The following TXNL1 variants were observed in gnomAD, a reference collection of about 807,000 sequenced individuals.
The protein encoded by TXNL1 is thioredoxin-like protein 1.
Under a neutral mutation model 35.5 loss-of-function variants are expected in TXNL1, and 14 were observed. That is an observed-to-expected ratio of 0.39 (90% CI 0.26 to 0.62). TXNL1 has a LOEUF of 0.62. TXNL1 is among the 20% of genes least tolerant of loss of function. TXNL1 has a pLI of 0.47. For missense variants in TXNL1, 263 were observed against 349.7 expected (o/e 0.75, Z 1.98); for synonymous variants, 110 against 115.5 (o/e 0.95, Z 0.31).
At position 56,598,504 on chromosome 18, in the gene TXNL1, C is replaced by G. The variant is rs560988878; in HGVS notation, c.*4523G>C. 1.3e-5 allele frequency: 2 copies of G among 152,270 alleles called. No individual in the cohort carries two copies. The highest frequency in any genetic ancestry group is 3.9e-4 in the East Asian group (2 of 5,192). The allele number at this position is 152,270 out of a possible 1,614,324, so 9.4% of individuals were successfully genotyped here. ...TGCGATATTAGGGTACGTTCTGCTA[C>G]CTGGTAATACAGCACAGCACACTGG... On this transcript the variant is annotated 3_prime_UTR_variant, in exon 8 of 8. Transcript: ENST00000217515.
intron 1 of TXNL1, among the ~76,000 whole-genome samples, chr18:56,635,300 C>T (rs1268130792): frequency 6.6e-6 from 1 of 152,034 alleles, no homozygotes; most frequent in Non-Finnish European, 1.5e-5. Flanking sequence ...AAGCAGGGAT[C>T]CCCGCATAGC....
At chr18:56,616,375 C>T (rs2024086986) in intron 4 of TXNL1, 61 bp from the exon 5 acceptor site, 1 of 1,407,106 alleles carries the variant, frequency 7.1e-7, no homozygotes, top group Non-Finnish European at 9.8e-7. Context: ...ACATAAACTA[C>T]TGAAGCAGAA....
At chr18:56,619,441 G>C (rs2144308747) in intron 3 of TXNL1, among the ~76,000 whole-genome samples, 1 of 149,554 alleles carries the variant, frequency 6.7e-6, no homozygotes, top group East Asian at 2.0e-4. Context: ...GGGAAGCTGA[G>C]GCAGGAGAAC....
intron 7 of TXNL1, 174 bp downstream of exon 7, chr18:56,610,819 A>G (rs756439679): frequency 4.5e-6 from 2 of 443,332 alleles, no homozygotes; most frequent in Non-Finnish European, 8.0e-6. Context: ...TTTGTTGGAT[A>G]TCTAAAAATA....
chr18:56,604,020 A>T (rs973181101), intron 7 of TXNL1, among the ~76,000 whole-genome samples: 3 of 152,302 alleles, frequency 2.0e-5, no homozygotes, highest in African/African-American at 2.4e-5. Context: ...AGCTGGGTCA[A>T]CATCATTCAT....
chr18:56,625,471 A>G (rs1033849430), intron 2 of TXNL1, among the ~76,000 whole-genome samples: 2 of 152,182 alleles, frequency 1.3e-5, no homozygotes, highest in Non-Finnish European at 2.9e-5. Flanking sequence ...GTACATATCA[A>G]TATGAATTTG....
rs948926449 is a variant in TXNL1, at chr18:56,602,944, T to C, written c.*83A>G. On this transcript the variant is annotated 3_prime_UTR_variant, in exon 8 of 8. Transcript: ENST00000217515. ...ATTGGTAATGGCAATGAATGAAACA[T>C]TGACAGTCTCTGGCGAGAATCAAGC... is the stretch of plus-strand genomic sequence containing the variant. 5.7e-6 allele frequency: 8 copies of C among 1,398,810 alleles called. No homozygotes were observed. The highest frequency in any genetic ancestry group is 5.1e-5 in the Admixed American group (3 of 58,812). The allele number at this position is 1,398,810 out of a possible 1,614,324, so 86.6% of individuals were successfully genotyped here.
At chr18:56,615,162 G>C (rs1340717317) in intron 5 of TXNL1, among the ~76,000 whole-genome samples, 1 of 152,092 alleles carries the variant, frequency 6.6e-6, no homozygotes, top group African/African-American at 2.4e-5. Flanking sequence ...CCCATGTATA[G>C]AATGCCTTAA....
intron 7 of TXNL1, 83 bp from the exon 8 acceptor site, chr18:56,603,139 A>G (rs1005992988): frequency 7.9e-7 from 1 of 1,261,808 alleles, no homozygotes; most frequent in Non-Finnish European, 1.1e-6. Flanking sequence ...TCAGTTTAAA[A>G]CCTTGGTATT....
Position 56,638,451 on chromosome 18 carries a change from A to C in TXNL1, c.-11T>G, listed in dbSNP as rs138658242. On this transcript the variant is annotated 5_prime_UTR_variant, in exon 1 of 8. Coordinates refer to ENST00000217515, the MANE Select transcript of TXNL1 (RefSeq NM_004786.3). ...CTTCACCCCCACCATCCTCACAGAGAGCCCGGCAGGGTGGCCGCGACGCCA... is the reference window on the plus strand; with the variant it reads ...CTTCACCCCCACCATCCTCACAGAGCGCCCGGCAGGGTGGCCGCGACGCCA... 3.9e-4 allele frequency: 629 copies of C among 1,609,100 alleles called. 13 individuals are homozygous for C. The South Asian group carries it at 6.0e-3, about 15-fold the overall frequency.
rs541769279 is a variant in TXNL1 at position 56,598,918 on chromosome 18, G to A, written c.*4109C>T. Reference sequence around the variant, plus strand: ...AGATTTTGCTCCTAGGTAGTATGATGAGCCAGTATCTCCAAATGCGTGTCC... The same window carrying A: ...AGATTTTGCTCCTAGGTAGTATGATAAGCCAGTATCTCCAAATGCGTGTCC... On this transcript the variant is annotated 3_prime_UTR_variant, in exon 8 of 8. Coordinates refer to ENST00000217515, the MANE Select transcript of TXNL1 (RefSeq NM_004786.3). The A allele has an allele frequency of 2.0e-5, 3 of 152,282 alleles. No individual in the cohort carries two copies. The highest frequency in any genetic ancestry group is 3.9e-4 in the East Asian group (2 of 5,186). The allele number at this position is 152,282 out of a possible 1,614,324, so 9.4% of individuals were successfully genotyped here.
rs75413471 is a variant in TXNL1, at chr18:56,604,990, C to T, written c.841-1934G>A. Among the ~76,000 whole-genome samples, 420 of 151,044 alleles carry T rather than the reference C, an allele frequency of 2.8e-3. 6 individuals carry two copies. The East Asian group carries it at 0.037, about 13-fold the overall frequency. On this transcript the variant is annotated intron_variant, in intron 7 of 7. Coordinates refer to ENST00000217515, the MANE Select transcript of TXNL1 (RefSeq NM_004786.3). ...AATTTAATTTTATTGTGATGTTATG[C>T]CTCAAAATGTAATACAAAATTAAAT...
At chr18:56,624,861 TG>T (rs1256779869) in intron 2 of TXNL1, among the ~76,000 whole-genome samples, 1 of 152,180 alleles carries the variant, frequency 6.6e-6, no homozygotes, top group African/African-American at 2.4e-5. Flanking sequence ...AGTGCAGGTC[TG>T]AAAACCGGTA....
At chr18:56,631,269 A>G (rs2144333210) in intron 1 of TXNL1, among the ~76,000 whole-genome samples, 1 of 152,304 alleles carries the variant, frequency 6.6e-6, no homozygotes, top group Middle Eastern at 3.4e-3. Context: ...TGAACAAGTC[A>G]CCTGATTTCT....
chr18:56,617,744 G>A (rs1157922408), intron 4 of TXNL1, among the ~76,000 whole-genome samples: 2 of 152,190 alleles, frequency 1.3e-5, no homozygotes, highest in Non-Finnish European at 2.9e-5. Flanking sequence ...CCAAACAGTG[G>A]TAAGAGCTCA....
rs952704261 is a variant in TXNL1, at chr18:56,599,441, G to C, written c.*3586C>G. On this transcript the variant is annotated 3_prime_UTR_variant, in exon 8 of 8. Coordinates refer to ENST00000217515, the MANE Select transcript of TXNL1 (RefSeq NM_004786.3). The stretch of plus-strand genomic sequence containing the variant: ...TGCATGTTATATATACTTGCTTTAT[G>C]TGTATTATAAAGCATAATCTATATT... 8 of 152,018 alleles carry C rather than the reference G, an allele frequency of 5.3e-5. No individual in the cohort carries two copies. The highest frequency in any genetic ancestry group is 1.9e-4 in the African/African-American group (8 of 41,372). The allele number at this position is 152,018 out of a possible 1,614,324, so 9.4% of individuals were successfully genotyped here.
chr18:56,616,255 C>A lies in TXNL1; in HGVS notation c.552G>T (p.Gly184=). 1 of 1,613,442 alleles carries A rather than the reference C, an allele frequency of 6.2e-7. No individual in the cohort carries two copies. The highest frequency in any genetic ancestry group is 8.5e-7 in the Non-Finnish European group (1 of 1,179,726). The change falls in exon 5 of 8, where the codon GGG becomes GGT. Residue 184 remains glycine (G), a synonymous_variant. Transcript: ENST00000217515. ...PVKLYSMKFQ[G]PDNGQGPKYV... is the part of the protein sequence containing the mutation. ...CTATCCTTTACTCACCATTATCTGG[C>A]CCTTGAAATTTCATGGAATAAAGCT...
chr18:56,613,553 C>G (rs1368824044), intron 6 of TXNL1, among the ~76,000 whole-genome samples: 2 of 152,170 alleles, frequency 1.3e-5, no homozygotes, highest in African/African-American at 2.4e-5. Flanking sequence ...GTGGCTGAAG[C>G]CTATAAACCC....
At chr18:56,611,871 T>TG (rs535166952) in intron 6 of TXNL1, among the ~76,000 whole-genome samples, 296 of 144,710 alleles carry the variant, frequency 2.0e-3, no homozygotes, top group Non-Finnish European at 3.8e-3. Context: ...TTTTAAGAGA[T>TG]GGAGTCTTGC....
Sources: gnomAD v4.1 joint callset for allele counts (sites outside exome capture counted in the v4.1 genomes callset) on GRCh38, gnomAD v4.1.1 for gene constraint, MANE v1.5 for transcripts, NCBI Gene and HGNC (gene_info 2026-07-23, HGNC 2026-07-21) for gene names.